Variants in HS3ST4 observed in about 807,000 individuals in gnomAD.
HS3ST4 encodes heparan sulfate glucosamine 3-O-sulfotransferase 4.
In HS3ST4, 17 loss-of-function variants were observed where a neutral mutation model predicts 29.2. That is an observed-to-expected ratio of 0.58 (90% confidence interval 0.40 to 0.87). The LOEUF is 0.87. Among genes scored for constraint, HS3ST4 ranks in the 40% least tolerant of loss-of-function variants. The probability of loss-of-function intolerance (pLI) is 0.00; values close to 1 mark genes in which losing one functional copy is unlikely to be tolerated. For missense variants in HS3ST4, 627 were observed against 634.5 expected, an observed-to-expected ratio of 0.99 and a Z score of 0.13; for synonymous variants, 314 against 285.7, an observed-to-expected ratio of 1.10 and a Z score of -1.00.
intron 1 of HS3ST4, among the ~76,000 whole-genome samples, chr16:26,028,721 T>C (rs1021374996): frequency 3.3e-5 from 5 of 151,190 alleles, no homozygotes; most frequent in Non-Finnish European, 7.3e-5. Context: ...TCTCTAGGTG[T>C]TGGGGAAGAT....
intron 1 of HS3ST4, among the ~76,000 whole-genome samples, chr16:25,830,332 C>A (rs1967281419): frequency 6.6e-6 from 1 of 152,212 alleles, no homozygotes; most frequent in African/African-American, 2.4e-5. Flanking sequence ...CTTTCACCAT[C>A]TTGGCTTTTG....
chr16:25,913,834 ATGTATGTGGATGTGGAGGGAGGGTG>A (rs1968263770), intron 1 of HS3ST4, among the ~76,000 whole-genome samples: 3 of 110,968 alleles, frequency 2.7e-5, no homozygotes, highest in African/African-American at 1.0e-4. Flanking sequence ...GGGGAGGTGT[ATGTATGTGGATGTGGAGGGAGGGTG>A]TGTGTGGGGG....
chr16:25,822,299 G>A (rs1429462539), intron 1 of HS3ST4, among the ~76,000 whole-genome samples: 1 of 152,076 alleles, frequency 6.6e-6, no homozygotes, highest in Non-Finnish European at 1.5e-5. Flanking sequence ...GGTCTCTCTT[G>A]AGCCTCTTTT....
chr16:26,126,612 G>A (rs1467171978), intron 1 of HS3ST4, among the ~76,000 whole-genome samples: 1 of 152,202 alleles, frequency 6.6e-6, no homozygotes, highest in African/African-American at 2.4e-5. Flanking sequence ...GACAAGTCTA[G>A]GCAGTTTGGT....
intron 1 of HS3ST4, among the ~76,000 whole-genome samples, chr16:25,828,540 C>G (rs1367363339): frequency 1.3e-5 from 2 of 151,800 alleles, no homozygotes; most frequent in Non-Finnish European, 2.9e-5. Context: ...GGGGTTTCAT[C>G]TTGTTGGCCA....
At chr16:26,133,080 C>T (rs1899440745) in intron 1 of HS3ST4, among the ~76,000 whole-genome samples, 1 of 152,134 alleles carries the variant, frequency 6.6e-6, no homozygotes, top group African/African-American at 2.4e-5. Flanking sequence ...TTTTCTAGAT[C>T]AGTTCCTTAG....
chr16:26,134,362 CTTT>C (rs60068546), intron 1 of HS3ST4, among the ~76,000 whole-genome samples: 2 of 76,800 alleles, frequency 2.6e-5, no homozygotes, highest in Non-Finnish European at 2.6e-5. Context: ...CTTTTCTTTT[CTTT>C]TTTTTTTTTT....
chr16:25,783,936 G>A (rs187270274), intron 1 of HS3ST4, among the ~76,000 whole-genome samples: 1 of 152,244 alleles, frequency 6.6e-6, no homozygotes, highest in Non-Finnish European at 1.5e-5. Context: ...CACATTGAGG[G>A]TTTCTGGCGA....
chr16:25,993,271 T>A (rs1252544421), intron 1 of HS3ST4, among the ~76,000 whole-genome samples: 1 of 152,094 alleles, frequency 6.6e-6, no homozygotes, highest in Non-Finnish European at 1.5e-5. Flanking sequence ...TATTCAGGGT[T>A]TCTGGGCTGA....
intron 1 of HS3ST4, among the ~76,000 whole-genome samples, chr16:25,834,986 C>T (rs555726280): frequency 9.2e-5 from 14 of 152,046 alleles, no homozygotes; most frequent in Admixed American, 3.9e-4. Flanking sequence ...AACCAACCAT[C>T]CCTCCAACCA....
intron 1 of HS3ST4, among the ~76,000 whole-genome samples, chr16:26,028,231 C>G (rs1969495518): frequency 8.1e-6 from 1 of 123,386 alleles, no homozygotes; most frequent in South Asian, 2.5e-4. Context: ...CAAGATGGCT[C>G]AGGTGCACTC....
At chr16:25,702,883 G>C (rs1966344024) in intron 1 of HS3ST4, among the ~76,000 whole-genome samples, 1 of 152,006 alleles carries the variant, frequency 6.6e-6, no homozygotes, top group Non-Finnish European at 1.5e-5. Context: ...CTTAAGAGTT[G>C]AGCACGATGG....
In HS3ST4 at chr16:25,943,977, GC is replaced by G. The variant is rs1968599975; in HGVS notation, c.735-191633del. 1.3e-5 allele frequency among the ~76,000 whole-genome samples: 2 copies of G among 152,058 alleles called. 1 individual carries two copies. The highest frequency in any genetic ancestry group is 4.1e-4 in the South Asian group (2 of 4,822). On this transcript the variant is annotated intron_variant, in intron 1 of 1. Coordinates refer to ENST00000331351, the MANE Select transcript of HS3ST4 (RefSeq NM_006040.3). ...GATGATTTATAAACTCTTTAAATGT[GC>G]CTAGTGTCAGCAATGATTCTGGGGA...
At chr16:25,947,362 A>G (rs563819123) in intron 1 of HS3ST4, among the ~76,000 whole-genome samples, 1 of 152,298 alleles carries the variant, frequency 6.6e-6, no homozygotes, top group East Asian at 1.9e-4. Flanking sequence ...TTGCTGTGAT[A>G]ATGCTGTGTA....
At chr16:25,981,086 G>A (rs761624958) in intron 1 of HS3ST4, among the ~76,000 whole-genome samples, 2 of 152,050 alleles carry the variant, frequency 1.3e-5, no homozygotes, top group Admixed American at 6.6e-5. Context: ...GGCTGGGCAC[G>A]GTGCCTCAGG....
At chr16:26,104,939 A>G (rs1162471255) in intron 1 of HS3ST4, among the ~76,000 whole-genome samples, 1 of 152,082 alleles carries the variant, frequency 6.6e-6, no homozygotes, top group Non-Finnish European at 1.5e-5. Context: ...ACATCTCATC[A>G]CATCTCCAAC....
intron 1 of HS3ST4, among the ~76,000 whole-genome samples, chr16:25,740,653 T>G (rs1187429065): frequency 2.0e-5 from 3 of 152,160 alleles, no homozygotes; most frequent in Non-Finnish European, 4.4e-5. Flanking sequence ...AATGATCACT[T>G]CTTTATGGTA....
rs557957397 is a variant in HS3ST4 at position 25,732,751 on chromosome 16, C to T, written c.734+39600C>T. Among the ~76,000 whole-genome samples, 14 of 152,322 alleles carry T rather than the reference C, an allele frequency of 9.2e-5. 1 individual carries two copies. In the South Asian group the frequency reaches 2.7e-3, roughly 29 times the overall value. ...AAATTTCTGGAAGGAGGCAGTATAG[C>T]ATGGATTATCGGAAGCCCTGTGTCT... On this transcript the variant is annotated intron_variant, in intron 1 of 1. Transcript: ENST00000331351.
intron 1 of HS3ST4, among the ~76,000 whole-genome samples, chr16:25,884,497 T>C (rs1399935208): frequency 6.6e-6 from 1 of 152,220 alleles, no homozygotes; most frequent in Non-Finnish European, 1.5e-5. Flanking sequence ...ACTTATGTTC[T>C]TGTGTATTTA....
Sources: allele counts gnomAD v4.1 joint callset (sites outside exome capture counted in the v4.1 genomes callset), GRCh38; gene constraint gnomAD v4.1.1; transcripts MANE v1.5; gene names NCBI Gene and HGNC (gene_info 2026-07-23, HGNC 2026-07-21).